NTSR2: variants seen among roughly 807,000 people sequenced by gnomAD.
The protein encoded by NTSR2 is neurotensin receptor type 2.
NTSR2 carries 22 observed loss-of-function variants against 24.1 expected under a neutral mutation model. The observed-to-expected ratio is 0.91, with a 90% CI of 0.65 to 1.30. The LOEUF is 1.30. Ranked by LOEUF, NTSR2 falls within the 50% of genes most tolerant of loss-of-function variation. NTSR2 has a pLI of 0.00. For synonymous variants in NTSR2, 291 were observed against 267.0 expected, an observed-to-expected ratio of 1.09 and a Z score of -0.88; for missense variants, 570 against 570.4, an observed-to-expected ratio of 1.00 and a Z score of 0.01.
chr2:11,663,267 A>G (rs539529608), intron 1 of NTSR2, among the ~76,000 whole-genome samples: 2 of 152,308 alleles, frequency 1.3e-5, no homozygotes, highest in African/African-American at 2.4e-5. Flanking sequence ...AAAATGGGGT[A>G]TCCTACACAG....
Position 11,669,812 on chromosome 2 carries a change from C to G in NTSR2, c.318G>C (p.Leu106=), listed in dbSNP as rs775905667. The part of the protein sequence containing the change: ...WFHYPWVFGD[L]GCRGYYFVHE... Reference sequence around the variant, plus strand: ...GCACGAAGTAGTAGCCGCGGCAGCCCAGGTCGCCGAAGACCCAGGGGTAGT... The same window carrying G: ...GCACGAAGTAGTAGCCGCGGCAGCCGAGGTCGCCGAAGACCCAGGGGTAGT... Residue 106 remains leucine (L), a synonymous_variant, in exon 1 of 4, where the codon CTG becomes CTC. Coordinates refer to ENST00000306928, the MANE Select transcript of NTSR2 (RefSeq NM_012344.4). 4 of 1,567,814 alleles carry G rather than the reference C, an allele frequency of 2.6e-6. No individual in the cohort carries two copies. Among genetic ancestry groups the G allele is most frequent in the African/African-American group, 1.3e-5 (1 of 74,200 alleles).
At chr2:11,666,112 G>C (rs1661193615) in intron 1 of NTSR2, 1 of 152,322 alleles carries the variant, frequency 6.6e-6, no homozygotes, top group South Asian at 2.1e-4. Context: ...CCTTGGTAGA[G>C]CTGAGGTACC....
At chr2:11,660,442 C>T (rs181715552) in intron 2 of NTSR2, among the ~76,000 whole-genome samples, 4 of 152,324 alleles carry the variant, frequency 2.6e-5, no homozygotes, top group African/African-American at 9.6e-5. Flanking sequence ...GATATCCCTA[C>T]CAGGTTATCT....
At chr2:11,669,460 G>GGGGGGGGGGGGGGCCCCCCCCCCCCC in intron 1 of NTSR2, 46 bp downstream of exon 1, 19 of 254,702 alleles carry the variant, frequency 7.5e-5, no homozygotes, top group Admixed American at 1.3e-4. Flanking sequence ...TCCCAGCACC[G>GGGGGGGGGGGGGGCCCCCCCCCCCCC]CCCCCCCACC....
intron 1 of NTSR2, among the ~76,000 whole-genome samples, chr2:11,664,129 A>AT (rs36027827): frequency 0.2 from 29,093 of 143,178 alleles, 3,462 homozygotes; most frequent in African/African-American, 0.31. Context: ...AACACTGAGC[A>AT]TTTTTTTTTT....
intron 3 of NTSR2, 134 bp from the exon 4 acceptor site, chr2:11,658,856 TTTTG>T (rs375162705): frequency 2.6e-4 from 280 of 1,079,646 alleles, no homozygotes; most frequent in African/African-American, 9.2e-4. Context: ...AGCACAGTGT[TTTTG>T]TTTGTTTGTT....
Position 11,661,964 on chromosome 2 carries a change from A to G in NTSR2, c.898+3T>C. On this transcript the variant is annotated splice_donor_region_variant and intron_variant, in intron 2 of 3. Coordinates refer to ENST00000306928, the MANE Select transcript of NTSR2 (RefSeq NM_012344.4). ...TCTGGGGTGATGTTACAGAGGACTT[A>G]ACTGAGAACCTGGACGCTGCGCTGG... 1 of 1,574,658 alleles carries G rather than the reference A, an allele frequency of 6.4e-7. No homozygotes were observed. The highest frequency in any genetic ancestry group is 8.6e-7 in the Non-Finnish European group (1 of 1,160,158).
chr2:11,660,899 T>C (rs940202212), intron 2 of NTSR2, among the ~76,000 whole-genome samples: 1 of 152,218 alleles, frequency 6.6e-6, no homozygotes, highest in Non-Finnish European at 1.5e-5. Flanking sequence ...ATCCAGTCTA[T>C]TGAAAAGTTC....
rs1008145070 is a variant in NTSR2, at chr2:11,660,995, C to T, written c.899-862G>A. On this transcript the variant is annotated intron_variant, in intron 2 of 3. Transcript: ENST00000306928. ...TTACCGCCTCTGTACTGGACTATGA[C>T]GAGTTTCCCAACCTCCCACCCCTTC... Among the ~76,000 whole-genome samples, 5 of 152,138 alleles carry T rather than the reference C, an allele frequency of 3.3e-5. No individual in the cohort carries two copies. The East Asian group carries it at 7.7e-4, about 23-fold the overall frequency.
chr2:11,669,752 C>T lies in NTSR2; in HGVS notation c.378G>A (p.Val126=), dbSNP rs1401184088. 2.6e-6 allele frequency: 4 copies of T among 1,538,280 alleles called. No homozygotes were observed. Among genetic ancestry groups the T allele is most frequent in the South Asian group, 2.4e-5 (2 of 84,044 alleles). The change falls in exon 1 of 4, where the codon GTG becomes GTA. Residue 126 remains valine (V), a synonymous_variant. Coordinates refer to ENST00000306928, the MANE Select transcript of NTSR2 (RefSeq NM_012344.4). ...ELCAYATVLS[V]AGLSAERCLA... The stretch of plus-strand genomic sequence containing the variant: ...GGCAGCGCTCGGCGCTCAGGCCTGC[C>T]ACGCTCAGCACCGTGGCGTAGGCGC...
At position 11,662,157 on chromosome 2, in the gene NTSR2, G is replaced by C. The variant is rs773244435; in HGVS notation, c.708C>G (p.Leu236=). Residue 236 remains leucine, a synonymous_variant, in exon 2 of 4, where the codon CTC becomes CTG. Transcript: ENST00000306928. ...NGVTVSHLLA[L]CSQVPSTSTP... ...TAGAAGTGGACGGCACTTGGGAGCA[G>C]AGGGCCAGCAGGTGGCTCACTGTGA... 3 of 1,601,674 alleles carry C rather than the reference G, an allele frequency of 1.9e-6. No homozygotes were observed. Among genetic ancestry groups the C allele is most frequent in the South Asian group, 1.1e-5 (1 of 89,658 alleles).
In NTSR2 at chr2:11,660,036, C is replaced by T. The variant is rs1240578078; in HGVS notation, c.989+7G>A. 2.5e-6 allele frequency: 4 copies of T among 1,611,814 alleles called. No homozygotes were observed. The African/African-American group carries it at 5.3e-5, about 22-fold the overall frequency. The stretch of plus-strand genomic sequence containing the variant: ...CCTGTGTGCTAGGGTCCTTCTGCCA[C>T]ACTCACTCAGTCCACGCGTCATCAG... On this transcript the variant is annotated splice_region_variant and intron_variant, in intron 3 of 3. Coordinates refer to ENST00000306928, the MANE Select transcript of NTSR2 (RefSeq NM_012344.4).
intron 1 of NTSR2, 51 bp downstream of exon 1, chr2:11,669,455 G>GCCCCGGGGCGGGGGGGGCCC: frequency 2.9e-6 from 1 of 343,438 alleles, no homozygotes. Flanking sequence ...CCTCCTCCCA[G>GCCCCGGGGCGGGGGGGGCCC]CACCGCCCCC....
intron 1 of NTSR2, among the ~76,000 whole-genome samples, chr2:11,665,153 G>A (rs368192796): frequency 3.6e-4 from 53 of 147,694 alleles, no homozygotes; most frequent in African/African-American, 1.2e-3. Context: ...GGTGGAACCC[G>A]GCTCCCAGGC....
rs750482706 is a variant in NTSR2 at position 11,669,962 on chromosome 2, C to T, written c.168G>A (p.Val56=). The change falls in exon 1 of 4, where the codon GTG becomes GTA. Residue 56 remains valine, a synonymous_variant. Transcript: ENST00000306928. Reference sequence around the variant, plus strand: ...CGCGCCCGGCCCGCGCCTTCAGCACCACGTGCGCGGACAGCGCATTGCCCG... The same window carrying T: ...CGCGCCCGGCCCGCGCCTTCAGCACTACGTGCGCGGACAGCGCATTGCCCG... ...GAAGNALSAH[V]VLKARAGRAG... 7 of 1,512,052 alleles carry T rather than the reference C, an allele frequency of 4.6e-6. No homozygotes were observed. The highest frequency in any genetic ancestry group is 1.8e-6 in the Non-Finnish European group (2 of 1,137,086). The allele number at this position is 1,512,052 out of a possible 1,614,324, so 93.7% of individuals were successfully genotyped here.
rs1553391704 is a variant in NTSR2, at chr2:11,658,693, T to C, written c.1019A>G (p.Tyr340Cys). The change falls in exon 4 of 4, where the codon TAC (tyrosine) becomes TGC (cysteine). Residue 340 changes from tyrosine (Y) to cysteine (C), a missense_variant. By Grantham distance (194) the Tyr-to-Cys change is radical (BLOSUM62 -2). Transcript: ENST00000306928. ...GTAGAAAAGTGTGTTGGTCACCATG[T>C]AGAAGTAGTGGTAGAAATTGTACAG... Reference protein sequence around the residue: ...DPLYNFYHYFYMVTNTLFYVS... With the variant: ...DPLYNFYHYFCMVTNTLFYVS... 1.2e-6 allele frequency: 2 copies of C among 1,613,956 alleles called. No homozygotes were observed. Among genetic ancestry groups the C allele is most frequent in the African/African-American group, 2.7e-5 (2 of 74,884 alleles).
intron 1 of NTSR2, among the ~76,000 whole-genome samples, chr2:11,667,639 C>G (rs951544515): frequency 1.3e-5 from 2 of 152,276 alleles, no homozygotes; most frequent in South Asian, 4.2e-4. Context: ...GCTACTGCAC[C>G]GAGCCTTATA....
chr2:11,658,463 C>T lies in NTSR2; in HGVS notation c.*16G>A, dbSNP rs1451976736. The stretch of plus-strand genomic sequence containing the variant: ...AGCTGGTCATTTTGCTTGTTCTGTT[C>T]ATTCTTGCATTACATTCAGGTCCGG... On this transcript the variant is annotated 3_prime_UTR_variant, in exon 4 of 4. Transcript: ENST00000306928. The T allele has an allele frequency of 1.3e-6, 2 of 1,579,076 alleles. No homozygotes were observed. The highest frequency in any genetic ancestry group is 1.7e-6 in the Non-Finnish European group (2 of 1,162,234).
chr2:11,662,284 T>C, intron 1 of NTSR2, 44 bp from the exon 2 acceptor site: 3 of 1,444,324 alleles, frequency 2.1e-6, no homozygotes, highest in African/African-American at 2.9e-5. Flanking sequence ...GCCAGGGCCC[T>C]GCGGCCCTCG....
Sources: allele counts gnomAD v4.1 joint callset (sites outside exome capture counted in the v4.1 genomes callset), GRCh38; gene constraint gnomAD v4.1.1; transcripts MANE v1.5; gene names NCBI Gene and HGNC (gene_info 2026-07-23, HGNC 2026-07-21).